Variants in THAP5 observed in about 807,000 individuals in gnomAD.
THAP5 encodes THAP domain-containing protein 5.
Under a neutral mutation model 34.0 loss-of-function variants are expected in THAP5, and 26 were observed. The ratio of observed to expected loss-of-function variants is 0.77; its 90% CI spans 0.56 to 1.06. The LOEUF (loss-of-function observed/expected upper bound fraction) is 1.06, where lower values mean the gene tolerates loss of function less well. Among genes scored for constraint, THAP5 ranks in the 50% least tolerant of loss-of-function variants. THAP5 has a pLI of 0.00. For missense variants in THAP5, 394 were observed against 452.8 expected (o/e 0.87, Z 1.18); for synonymous variants, 125 against 153.0 (o/e 0.82, Z 1.35).
chr7:108,569,102 G>C (rs1790551939), intron 1 of THAP5: 2 of 1,046,482 alleles, frequency 1.9e-6, no homozygotes, highest in Middle Eastern at 4.7e-4. Flanking sequence ...GACCTACCTC[G>C]CGGGGGGTGT....
chr7:108,569,209 A>T (rs1790555989), intron 1 of THAP5: 5 of 1,332,780 alleles, frequency 3.8e-6, no homozygotes, highest in Admixed American at 6.2e-5. Context: ...TGAAGTGGGG[A>T]AAAGACTGAA....
At chr7:108,553,357 C>T (rs927354501), downstream of THAP5, among the ~76,000 whole-genome samples, 1 of 152,174 alleles carries the variant, frequency 6.6e-6, no homozygotes, top group Admixed American at 6.5e-5. Flanking sequence ...GCTGCTCTTA[C>T]TAACTCTGTC....
chr7:108,546,997 C>T, the THAP5 span, among the ~76,000 whole-genome samples: 80 of 152,206 alleles, frequency 5.3e-4, no homozygotes, highest in Non-Finnish European at 9.7e-4. Context: ...GGAAACTATC[C>T]AGGTGGACTG....
downstream of THAP5, among the ~76,000 whole-genome samples, chr7:108,561,422 C>A (rs1221810852): frequency 6.7e-6 from 1 of 150,276 alleles, no homozygotes; most frequent in African/African-American, 2.5e-5. Context: ...CACCACCATG[C>A]CTGGCTGATT....
rs768279191 is a variant in THAP5 at position 108,564,868 on chromosome 7, G to C, written c.511C>G (p.Gln171Glu). The C allele has an allele frequency of 1.2e-6, 2 of 1,608,582 alleles. No individual in the cohort carries two copies. The highest frequency in any genetic ancestry group is 2.7e-5 in the African/African-American group (2 of 74,862). ...GTAGATTCTGGTTTCCCAGTATGTTGTTTAACTAGATTAAGAGTTAACATG... is the reference window on the plus strand; with the variant it reads ...GTAGATTCTGGTTTCCCAGTATGTTCTTTAACTAGATTAAGAGTTAACATG... ...NNMLTLNLVK[Q>E]HTGKPESTLE... Residue 171 changes from glutamine to glutamate, a missense_variant, in exon 3 of 3, where the codon CAA becomes GAA. By Grantham distance (29) the Gln-to-Glu change is conservative. Transcript: ENST00000415914.
At chr7:108,561,033 T>G (rs1462972064), downstream of THAP5, among the ~76,000 whole-genome samples, 4 of 152,308 alleles carry the variant, frequency 2.6e-5, no homozygotes, top group Middle Eastern at 3.4e-3. Flanking sequence ...TGTGCCTGCC[T>G]GTACCGCAAC....
At chr7:108,567,919 G>A (rs992159477) in intron 1 of THAP5, among the ~76,000 whole-genome samples, 7 of 152,110 alleles carry the variant, frequency 4.6e-5, no homozygotes, top group African/African-American at 1.7e-4. Flanking sequence ...AAAAGTTACT[G>A]TAAGGTCCAC....
rs556900228 is a variant in THAP5, at chr7:108,569,600, C to T, written c.-31G>A. 9 of 1,549,648 alleles carry T rather than the reference C, an allele frequency of 5.8e-6. No homozygotes were observed. Among genetic ancestry groups the T allele is most frequent in the East Asian group, 2.4e-5 (1 of 40,934 alleles). On this transcript the variant is annotated 5_prime_UTR_variant, in exon 1 of 3. Transcript: ENST00000415914. ...GGGTGAGGCCCCTGGAGACCGGGGC[C>T]GGCGACGGATGCAGGGCGGCCCTCC...
chr7:108,544,840 A>G, the THAP5 span, among the ~76,000 whole-genome samples: 2 of 151,816 alleles, frequency 1.3e-5, no homozygotes, highest in African/African-American at 4.8e-5. Flanking sequence ...GTAATTTTTT[A>G]TAGAGACGGG....
the THAP5 span, among the ~76,000 whole-genome samples, chr7:108,542,374 GA>G: frequency 1.1e-3 from 172 of 152,190 alleles, no homozygotes; most frequent in African/African-American, 3.7e-3. Flanking sequence ...CTTAGTAGTT[GA>G]AAAAAACAAG....
At chr7:108,558,377 G>GTGTGTGTATATATATATATA (rs1401164750), downstream of THAP5, among the ~76,000 whole-genome samples, 582 of 62,384 alleles carry the variant, frequency 9.3e-3, 10 homozygotes, top group Non-Finnish European at 0.011. Flanking sequence ...ATGTGTGTGT[G>GTGTGTGTATATATATATATA]TATGTATATA....
the THAP5 span, among the ~76,000 whole-genome samples, chr7:108,544,696 AC>A: frequency 6.6e-6 from 1 of 152,090 alleles, no homozygotes; most frequent in Non-Finnish European, 1.5e-5. Flanking sequence ...TCACTCTGTC[AC>A]CCAGGCTGGA....
At chr7:108,567,914 T>C (rs559746673) in intron 1 of THAP5, among the ~76,000 whole-genome samples, 66 of 152,328 alleles carry the variant, frequency 4.3e-4, no homozygotes, top group African/African-American at 1.6e-3. Flanking sequence ...TCCTAAAAAG[T>C]TACTGTAAGG....
Position 108,564,557 on chromosome 7 carries a change from A to G in THAP5, c.822T>C (p.Ile274=). Residue 274 remains isoleucine, a synonymous_variant, in exon 3 of 3, where the codon ATT becomes ATC. Transcript: ENST00000415914. ...LNTNKESVIA[I]FVPAENSKPS... ...GTTTAGAATTTTCAGCAGGTACAAA[A>G]ATGGCAATAACAGATTCTTTATTTG... 6.2e-7 allele frequency: 1 copy of G among 1,613,860 alleles called. No homozygotes were observed. Among genetic ancestry groups the G allele is most frequent in the Non-Finnish European group, 8.5e-7 (1 of 1,179,894 alleles).
intron 1 of THAP5, 149 bp downstream of exon 1, chr7:108,569,341 C>T: frequency 6.7e-7 from 1 of 1,484,688 alleles, no homozygotes; most frequent in South Asian, 1.3e-5. Flanking sequence ...ACTGAACTAG[C>T]GCCTTCCCTC....
the THAP5 span, among the ~76,000 whole-genome samples, chr7:108,547,402 A>G: frequency 6.6e-6 from 1 of 152,248 alleles, no homozygotes; most frequent in South Asian, 2.1e-4. Context: ...AATGGAAAAC[A>G]TGAACCATGC....
Position 108,564,601 on chromosome 7 carries a change from T to G in THAP5, c.778A>C (p.Thr260Pro), listed in dbSNP as rs757246211. The G allele has an allele frequency of 6.2e-7, 1 of 1,613,948 alleles. No individual in the cohort carries two copies. Among genetic ancestry groups the G allele is most frequent in the Admixed American group, 1.7e-5 (1 of 60,018 alleles). ...NPFLFSTINQ[T>P]VEELNTNKES... The stretch of plus-strand genomic sequence containing the variant: ...TTATTTGTGTTTAATTCTTCAACTG[T>G]TTGATTAATTGTGCTGAATAAGAAT... Residue 260 changes from threonine to proline, a missense_variant, in exon 3 of 3, where the codon ACA (threonine) becomes CCA (proline). Thr to Pro is a conservative substitution (Grantham distance 38, BLOSUM62 -1). Transcript: ENST00000415914.
At chr7:108,558,786 T>C (rs183627350), downstream of THAP5, among the ~76,000 whole-genome samples, 149 of 152,316 alleles carry the variant, frequency 9.8e-4, no homozygotes, top group African/African-American at 3.4e-3. Context: ...TTCATTGATA[T>C]AGCATATCTG....
At chr7:108,550,404 T>C (rs1424033036), downstream of THAP5, among the ~76,000 whole-genome samples, 1 of 152,240 alleles carries the variant, frequency 6.6e-6, no homozygotes, top group Non-Finnish European at 1.5e-5. Context: ...TCATTCCATC[T>C]GGAAATACAT....
Sources: gnomAD v4.1 joint callset for allele counts (sites outside exome capture counted in the v4.1 genomes callset) on GRCh38, gnomAD v4.1.1 for gene constraint, MANE v1.5 for transcripts, NCBI Gene and HGNC (gene_info 2026-07-23, HGNC 2026-07-21) for gene names.